Variants in CHD1 observed in about 807,000 individuals in gnomAD.
CHD1 encodes the protein ATP-dependent chromatin remodeler CHD1.
A neutral mutation model predicts 224.2 loss-of-function variants in CHD1; 36 were observed. That is an observed-to-expected ratio of 0.16 (90% CI 0.12 to 0.21). The LOEUF is 0.21. Ranked by LOEUF, CHD1 falls within the 10% of genes least tolerant of loss-of-function variation. CHD1 has a pLI of 1.00. For missense variants in CHD1, 1,378 were observed against 1,994.8 expected, an observed-to-expected ratio of 0.69 and a Z score of 5.89; for synonymous variants, 668 against 658.3, an observed-to-expected ratio of 1.01 and a Z score of -0.23.
In CHD1 at chr5:98,893,492, G is replaced by A; in HGVS notation, c.1915C>T (p.Leu639Phe). The A allele has an allele frequency of 6.2e-7, 1 of 1,611,770 alleles. No homozygotes were observed. ...TLIDFKSNHR[L>F]LITGTPLQNS... Reference sequence around the variant, plus strand: ...TGTAGAGGAGTTCCAGTGATAAGGAGACGATGATTGGATTTAAAATCTATT... The same window carrying A: ...TGTAGAGGAGTTCCAGTGATAAGGAAACGATGATTGGATTTAAAATCTATT... The change falls in exon 14 of 36, where the codon CTC becomes TTC. Residue 639 changes from leucine to phenylalanine, a missense_variant. By Grantham distance (22) the Leu-to-Phe change is conservative (BLOSUM62 0). Coordinates refer to ENST00000614616, the MANE Select transcript of CHD1 (RefSeq NM_001270.4).
Position 98,926,366 on chromosome 5 carries a change from T to C in CHD1, c.21A>G (p.Glu7=). The C allele has an allele frequency of 6.6e-7, 1 of 1,522,810 alleles. No individual in the cohort carries two copies. The highest frequency in any genetic ancestry group is 8.8e-7 in the Non-Finnish European group (1 of 1,133,544). 94.3% of individuals were successfully genotyped at this position (1,522,810 alleles called of 1,614,324 possible). A position where few individuals can be genotyped will look rare whatever the true frequency, so the allele number is the denominator to read the frequency against. The change falls in exon 2 of 36, where the codon GAA becomes GAG. Residue 7 remains glutamate, a synonymous_variant. Coordinates refer to ENST00000614616, the MANE Select transcript of CHD1 (RefSeq NM_001270.4). Reference sequence around the variant, plus strand: ...CTCCACTACTGTTTCTAACACTTTCTTCATCACTGTGTCCATTCATTGTAA... The same window carrying C: ...CTCCACTACTGTTTCTAACACTTTCCTCATCACTGTGTCCATTCATTGTAA... MNGHSD[E]ESVRNSSGES...
chr5:98,896,692 T>C (rs1437194479), intron 11 of CHD1, among the ~76,000 whole-genome samples: 1 of 152,000 alleles, frequency 6.6e-6, no homozygotes, highest in Non-Finnish European at 1.5e-5. Context: ...TTAATAGTAT[T>C]ATGTTTAATC....
intron 22 of CHD1, among the ~76,000 whole-genome samples, chr5:98,880,607 T>C (rs1016788648): frequency 2.6e-5 from 4 of 152,216 alleles, no homozygotes; most frequent in Non-Finnish European, 4.4e-5. Context: ...AGGACTCCTT[T>C]CAACTCATTG....
At chr5:98,895,041 G>A (rs572799375) in intron 12 of CHD1, among the ~76,000 whole-genome samples, 8 of 152,108 alleles carry the variant, frequency 5.3e-5, no homozygotes, top group Middle Eastern at 3.4e-3. Context: ...GACTGGTCTC[G>A]AACTCCCAGC....
At chr5:98,895,685 G>A (rs563357538) in intron 12 of CHD1, among the ~76,000 whole-genome samples, 4 of 148,074 alleles carry the variant, frequency 2.7e-5, no homozygotes, top group Admixed American at 1.3e-4. Context: ...CCTGGGAGGT[G>A]GAGGTTGCAA....
intron 22 of CHD1, among the ~76,000 whole-genome samples, chr5:98,880,427 T>C (rs1750090614): frequency 6.6e-6 from 1 of 152,224 alleles, no homozygotes; most frequent in South Asian, 2.1e-4. Flanking sequence ...TTATTCACTG[T>C]GTGGGGTACA....
At chr5:98,891,401 T>G (rs1227469318) in intron 15 of CHD1, among the ~76,000 whole-genome samples, 5 of 151,974 alleles carry the variant, frequency 3.3e-5, no homozygotes, top group Non-Finnish European at 7.4e-5. Context: ...TAAAAATCAA[T>G]TATTAGAAAT....
chr5:98,898,208 A>AC, intron 10 of CHD1, 48 bp downstream of exon 10: 1 of 999,538 alleles, frequency 1.0e-6, no homozygotes, highest in South Asian at 4.1e-5. Context: ...AAATATTTAT[A>AC]ATGTATAAAT....
chr5:98,878,179 C>T (rs1310570411), intron 23 of CHD1, among the ~76,000 whole-genome samples: 6 of 152,188 alleles, frequency 3.9e-5, no homozygotes, highest in Admixed American at 2.6e-4. Context: ...CACTTTGCCA[C>T]GAACTTCCAC....
chr5:98,869,799 A>G lies in CHD1; in HGVS notation c.4062T>C (p.Asp1354=). The change falls in exon 30 of 36, where the codon GAT becomes GAC. Residue 1354 remains aspartate, a synonymous_variant. Transcript: ENST00000614616. ...SIKVKEEIKS[D]SSPLPSEKSD... ...ACTTCTCTGAAGGCAGAGGAGAAGAATCACTCTTTATTTCCTCTTTCACTT... is the reference window on the plus strand; with the variant it reads ...ACTTCTCTGAAGGCAGAGGAGAAGAGTCACTCTTTATTTCCTCTTTCACTT... The G allele has an allele frequency of 6.2e-7, 1 of 1,613,044 alleles. No individual in the cohort carries two copies. Among genetic ancestry groups the G allele is most frequent in the Non-Finnish European group, 8.5e-7 (1 of 1,179,140 alleles).
intron 1 of CHD1, 64 bp from the exon 2 acceptor site, chr5:98,926,598 T>G (rs1430506882): frequency 2.8e-6 from 1 of 351,920 alleles, no homozygotes; most frequent in East Asian, 4.9e-5. Context: ...TTAAGCCCTG[T>G]CTAAAACGTA....
chr5:98,918,903 A>G (rs1222584296), intron 2 of CHD1, among the ~76,000 whole-genome samples: 1 of 152,224 alleles, frequency 6.6e-6, no homozygotes, highest in African/African-American at 2.4e-5. Flanking sequence ...ATAGCTCATT[A>G]AATGACTCTA....
At chr5:98,896,789 A>AT (rs908482562) in intron 11 of CHD1, among the ~76,000 whole-genome samples, 3 of 7,826 alleles carry the variant, frequency 3.8e-4, no homozygotes, top group Admixed American at 2.1e-3. Context: ...AAGAACACAG[A>AT]TTAAAAAAAA....
At chr5:98,873,860 G>A in intron 25 of CHD1, 137 bp from the exon 26 acceptor site, 9 of 635,338 alleles carry the variant, frequency 1.4e-5, no homozygotes, top group South Asian at 1.0e-4. Flanking sequence ...ATAAATGGCA[G>A]GAAACACATA....
At chr5:98,881,696 G>A (rs1750200656) in intron 20 of CHD1, among the ~76,000 whole-genome samples, 1 of 151,870 alleles carries the variant, frequency 6.6e-6, no homozygotes, top group Non-Finnish European at 1.5e-5. Context: ...TTTTTGCAGA[G>A]GTGGGGTTTC....
intron 19 of CHD1, among the ~76,000 whole-genome samples, chr5:98,882,845 TA>T: frequency 6.6e-6 from 1 of 152,192 alleles, no homozygotes; most frequent in Non-Finnish European, 1.5e-5. Flanking sequence ...CACTGCATTT[TA>T]TAGTTACGAC....
At chr5:98,914,233 G>A (rs1201609367) in intron 2 of CHD1, among the ~76,000 whole-genome samples, 6 of 152,108 alleles carry the variant, frequency 3.9e-5, no homozygotes, top group African/African-American at 1.4e-4. Flanking sequence ...AGCTGAAAAG[G>A]GCAACCACTA....
intron 19 of CHD1, among the ~76,000 whole-genome samples, chr5:98,882,795 A>G (rs914781831): frequency 3.3e-5 from 5 of 152,196 alleles, no homozygotes; most frequent in African/African-American, 1.2e-4. Flanking sequence ...TAAAATAAGC[A>G]AGTAAAGACG....
intron 26 of CHD1, 125 bp downstream of exon 26, chr5:98,873,466 CTT>C: frequency 1.4e-6 from 1 of 722,122 alleles, no homozygotes; most frequent in Non-Finnish European, 2.0e-6. Flanking sequence ...AATAGCTTTA[CTT>C]TGTTTTATAA....
Sources: gnomAD v4.1 joint callset for allele counts (sites outside exome capture counted in the v4.1 genomes callset) on GRCh38, gnomAD v4.1.1 for gene constraint, MANE v1.5 for transcripts, NCBI Gene and HGNC (gene_info 2026-07-23, HGNC 2026-07-21) for gene names.